The following FSTL4 variants were observed in gnomAD, a reference collection of about 807,000 sequenced individuals.
FSTL4 encodes the protein follistatin-related protein 4.
A neutral mutation model predicts 78.2 loss-of-function variants in FSTL4; 28 were observed. The observed-to-expected ratio is 0.36, with a 90% CI of 0.27 to 0.49. FSTL4 has a LOEUF of 0.49. FSTL4 is among the 20% of genes least tolerant of loss of function. FSTL4 has a pLI of 0.98. For synonymous variants in FSTL4, 422 were observed against 440.5 expected (o/e 0.96, Z 0.53); for missense variants, 922 against 1,084.9 (o/e 0.85, Z 2.11).
At chr5:133,227,782 G>C (rs1751379182) in intron 8 of FSTL4, among the ~76,000 whole-genome samples, 1 of 152,162 alleles carries the variant, frequency 6.6e-6, no homozygotes, top group Non-Finnish European at 1.5e-5. Context: ...TCTAAGAGCT[G>C]TTTGTAAAAA....
chr5:133,329,995 C>G (rs1161443270), intron 4 of FSTL4, among the ~76,000 whole-genome samples: 1 of 152,172 alleles, frequency 6.6e-6, no homozygotes, highest in African/African-American at 2.4e-5. Context: ...ACTATTTTAT[C>G]AAGAATCATT....
At chr5:133,526,618 A>T (rs944859767) in intron 3 of FSTL4, among the ~76,000 whole-genome samples, 5 of 152,128 alleles carry the variant, frequency 3.3e-5, no homozygotes, top group Admixed American at 3.3e-4. Context: ...TCCAACCCCA[A>T]CTGAGCTGGC....
intron 2 of FSTL4, among the ~76,000 whole-genome samples, chr5:133,571,773 A>C (rs1456022867): frequency 1.3e-5 from 2 of 152,218 alleles, no homozygotes; most frequent in African/African-American, 4.8e-5. Context: ...TGGATTTAAC[A>C]ACAGATTAAA....
At chr5:133,259,207 A>G (rs2126832991) in intron 6 of FSTL4, among the ~76,000 whole-genome samples, 1 of 151,412 alleles carries the variant, frequency 6.6e-6, no homozygotes, top group East Asian at 2.0e-4. Context: ...TGTGGCGGAA[A>G]GCCTCTTTGA....
intron 3 of FSTL4, among the ~76,000 whole-genome samples, chr5:133,467,033 TGA>T (rs1009988335): frequency 6.6e-6 from 1 of 151,888 alleles, no homozygotes; most frequent in Non-Finnish European, 1.5e-5. Flanking sequence ...TGAGTGTATG[TGA>T]GAGTATGATT....
chr5:133,429,191 G>T (rs995108442), intron 3 of FSTL4, among the ~76,000 whole-genome samples: 1 of 152,086 alleles, frequency 6.6e-6, no homozygotes, highest in Non-Finnish European at 1.5e-5. Flanking sequence ...CTCGTAGGAC[G>T]CCCACAGCCC....
At chr5:133,660,985 AT>A in the FSTL4 span, among the ~76,000 whole-genome samples, 70,002 of 151,504 alleles carry the variant, frequency 0.46, 17,491 homozygotes, top group African/African-American at 0.66. Context: ...TCAAAACTTT[AT>A]TTTTTTTTAC....
chr5:133,590,114 T>C (rs893616512), intron 2 of FSTL4, among the ~76,000 whole-genome samples: 1 of 151,906 alleles, frequency 6.6e-6, no homozygotes, highest in African/African-American at 2.4e-5. Flanking sequence ...TATTTATTTA[T>C]TTATTTATTT....
chr5:133,676,992 T>C, the FSTL4 span, among the ~76,000 whole-genome samples: 1 of 152,238 alleles, frequency 6.6e-6, no homozygotes, highest in Non-Finnish European at 1.5e-5. Context: ...AGAAATTTTA[T>C]GAACTCTTTT....
At chr5:133,778,647 C>T in the FSTL4 span, among the ~76,000 whole-genome samples, 1 of 152,174 alleles carries the variant, frequency 6.6e-6, no homozygotes, top group African/African-American at 2.4e-5. Context: ...AGAGCAGGTG[C>T]CTCTGGGAGA....
chr5:133,502,431 C>T (rs539769136), intron 3 of FSTL4, among the ~76,000 whole-genome samples: 27 of 152,230 alleles, frequency 1.8e-4, no homozygotes, highest in African/African-American at 5.8e-4. Context: ...AGCTAATAGT[C>T]GGCAAAGAAA....
At chr5:133,411,787 TTA>T (rs1286323518) in intron 3 of FSTL4, among the ~76,000 whole-genome samples, 4 of 152,138 alleles carry the variant, frequency 2.6e-5, no homozygotes, top group Non-Finnish European at 5.9e-5. Flanking sequence ...TTTTTGATGA[TTA>T]TGTATCTGTA....
At chr5:133,694,063 C>T in the FSTL4 span, among the ~76,000 whole-genome samples, 1 of 152,208 alleles carries the variant, frequency 6.6e-6, no homozygotes, top group African/African-American at 2.4e-5. Flanking sequence ...TAAATTTAAC[C>T]TTCCTATAAG....
chr5:133,753,750 C>T, the FSTL4 span, among the ~76,000 whole-genome samples: 1 of 145,432 alleles, frequency 6.9e-6, no homozygotes, highest in Non-Finnish European at 1.5e-5. Context: ...AGGTCTGGCC[C>T]AGACATTCTG....
At chr5:133,482,238 A>C (rs1411437327) in intron 3 of FSTL4, among the ~76,000 whole-genome samples, 1 of 152,234 alleles carries the variant, frequency 6.6e-6, no homozygotes, top group East Asian at 1.9e-4. Flanking sequence ...AAGAAAAATA[A>C]ACCCAGTCTG....
chr5:133,446,672 G>A (rs1757271474), intron 3 of FSTL4, among the ~76,000 whole-genome samples: 1 of 152,212 alleles, frequency 6.6e-6, no homozygotes, highest in Admixed American at 6.5e-5. Context: ...TCCTCTTTCA[G>A]GCAGCCGTAT....
chr5:133,591,159 C>T (rs530592392), intron 2 of FSTL4, among the ~76,000 whole-genome samples: 2 of 152,306 alleles, frequency 1.3e-5, no homozygotes, highest in African/African-American at 4.8e-5. Context: ...GAGGCCAAGC[C>T]TGTTTTACAG....
upstream of FSTL4, among the ~76,000 whole-genome samples, chr5:133,617,298 CAAAAA>C (rs145317097): frequency 1.6e-5 from 1 of 61,914 alleles, no homozygotes; most frequent in Non-Finnish European, 3.0e-5. Flanking sequence ...GACTCCATCT[CAAAAA>C]AAAAAAAAAA....
chr5:133,764,417 C>T, the FSTL4 span, among the ~76,000 whole-genome samples: 2 of 152,304 alleles, frequency 1.3e-5, no homozygotes, highest in South Asian at 4.1e-4. Context: ...GAGTGGGAAC[C>T]TGGGGACCCA....
Sources: allele counts gnomAD v4.1 joint callset (sites outside exome capture counted in the v4.1 genomes callset), GRCh38; gene constraint gnomAD v4.1.1; transcripts MANE v1.5; gene names NCBI Gene and HGNC (gene_info 2026-07-23, HGNC 2026-07-21).